The following ASS1 variants were observed in gnomAD, a reference collection of about 807,000 sequenced individuals.
The protein encoded by ASS1 is argininosuccinate synthase.
A neutral mutation model predicts 60.5 loss-of-function variants in ASS1; 58 were observed. That is an observed-to-expected ratio of 0.96 (90% confidence interval 0.78 to 1.19). ASS1 has a LOEUF of 1.19. Ranked by LOEUF, ASS1 falls within the 50% of genes most tolerant of loss-of-function variation. The pLI is 0.00. For synonymous variants in ASS1, 200 were observed against 206.9 expected, an observed-to-expected ratio of 0.97 and a Z score of 0.29; for missense variants, 454 against 547.3, an observed-to-expected ratio of 0.83 and a Z score of 1.70.
At chr9:130,462,578 C>G (rs368996233) in intron 4 of ASS1, among the ~76,000 whole-genome samples, 2 of 152,288 alleles carry the variant, frequency 1.3e-5, no homozygotes, top group Admixed American at 6.5e-5. Context: ...GCAGCCCAGC[C>G]GTGCCTGGCT....
chr9:130,495,174 C>T (rs536897691), intron 13 of ASS1, 151 bp downstream of exon 13: 4 of 1,155,646 alleles, frequency 3.5e-6, no homozygotes, highest in Admixed American at 2.0e-5. Flanking sequence ...ACTATGCTCC[C>T]GTGGAACTTA....
intron 8 of ASS1, among the ~76,000 whole-genome samples, chr9:130,473,144 A>C (rs929476155): frequency 6.6e-6 from 1 of 152,108 alleles, no homozygotes; most frequent in Non-Finnish European, 1.5e-5. Context: ...CCTCACCCAC[A>C]CTTGGGTCCC....
At position 130,489,533 on chromosome 9, in the gene ASS1, C is replaced by T. The variant is rs78879495; in HGVS notation, c.970+69C>T. Reference sequence around the variant, plus strand: ...GGATCCCAAAGTACTATCAGGCTCTCGGGCCTGGCCCTCCCCTCCGTATCA... The same window carrying T: ...GGATCCCAAAGTACTATCAGGCTCTTGGGCCTGGCCCTCCCCTCCGTATCA... On this transcript the variant is annotated intron_variant, in intron 12 of 14. Transcript: ENST00000352480. This position sits in a 1 kb window ranked among gnomAD's most constrained non-coding sequence, Gnocchi z 4.1. 6.9e-3 allele frequency: 11,010 copies of T among 1,607,144 alleles called. 199 individuals are homozygous for T. The highest frequency in any genetic ancestry group is 0.034 in the East Asian group (1,524 of 44,838).
rs1846458236 is a variant in ASS1, at chr9:130,491,845, T to C, written c.970+2381T>C. ...GTTATCACTAATATTAACTTTGCCC[T>C]GGTCCGCTGACATGCAGGGCCCCAC... On this transcript the variant is annotated intron_variant, in intron 12 of 14. Coordinates refer to ENST00000352480, the MANE Select transcript of ASS1 (RefSeq NM_054012.4). The surrounding 1 kb of genome is among the most constrained non-coding windows in gnomAD (Gnocchi z 5.3). Among the ~76,000 whole-genome samples, 1 of 152,192 alleles carries C rather than the reference T, an allele frequency of 6.6e-6. No homozygotes were observed. The highest frequency in any genetic ancestry group is 1.5e-5 in the Non-Finnish European group (1 of 68,038).
At position 130,476,832 on chromosome 9, in the gene ASS1, TG is replaced by T; in HGVS notation, c.598-37del. ...GGTGGGCTGTAGGGTGTCCAGGGAC[TG>T]GTATGTCATCTGCCCACCACTTTCT... is the stretch of plus-strand genomic sequence containing the variant. On this transcript the variant is annotated intron_variant, in intron 8 of 14. Coordinates refer to ENST00000352480, the MANE Select transcript of ASS1 (RefSeq NM_054012.4). This position sits in a 1 kb window ranked among gnomAD's most constrained non-coding sequence, Gnocchi z 4.9. 6.4e-7 allele frequency: 1 copy of T among 1,565,102 alleles called. No homozygotes were observed. Among genetic ancestry groups the T allele is most frequent in the Non-Finnish European group, 8.8e-7 (1 of 1,136,132 alleles).
rs74923032 is a variant in ASS1 at position 130,479,793 on chromosome 9, G to A, written c.766G>A (p.Glu256Lys). The A allele has an allele frequency of 1.7e-3, 2,761 of 1,613,998 alleles. 41 individuals are homozygous for A. The African/African-American group carries it at 0.03, about 18-fold the overall frequency. ...CTTGGAGCTCTTCATGTACCTGAAC[G>A]AAGTCGCGTGAGTGTCTGCAGCCCT... The part of the protein sequence containing the change: ...TSLELFMYLN[E>K]VAGKHGVGRI... The change falls in exon 10 of 15, where the codon GAA (glutamate) becomes AAA (lysine). Residue 256 changes from glutamate (E) to lysine (K), a missense_variant. By Grantham distance (56) the Glu-to-Lys change is moderately conservative. Coordinates refer to ENST00000352480, the MANE Select transcript of ASS1 (RefSeq NM_054012.4).
Position 130,476,653 on chromosome 9 carries a change from G to A in ASS1, c.598-218G>A, listed in dbSNP as rs1419907424. ...AAGAAAAAGATGAGATCAAGTTGAG[G>A]GGAAAAATTGTCTGATTTCTCCAGC... is the stretch of plus-strand genomic sequence containing the variant. On this transcript the variant is annotated intron_variant, in intron 8 of 14. Transcript: ENST00000352480. The surrounding 1 kb of genome is among the most constrained non-coding windows in gnomAD (Gnocchi z 4.9). 4.9e-6 allele frequency: 3 copies of A among 607,236 alleles called. No individual in the cohort carries two copies. In the African/African-American group the frequency reaches 5.5e-5, roughly 11 times the overall value. The allele number at this position is 607,236 out of a possible 1,614,324, so 37.6% of individuals were successfully genotyped here.
At chr9:130,471,132 AG>A (rs1845857468) in intron 7 of ASS1, among the ~76,000 whole-genome samples, 1 of 152,174 alleles carries the variant, frequency 6.6e-6, no homozygotes, top group Non-Finnish European at 1.5e-5. Flanking sequence ...CGGCCTCATC[AG>A]GAGTATCAAG....
intron 7 of ASS1, among the ~76,000 whole-genome samples, chr9:130,471,207 A>C (rs898892097): frequency 5.3e-5 from 8 of 152,214 alleles, no homozygotes; most frequent in Non-Finnish European, 2.9e-5. Flanking sequence ...GCACAGGGGA[A>C]GAGTGTTTAA....
At chr9:130,456,076 C>G (rs745619057) in intron 3 of ASS1, among the ~76,000 whole-genome samples, 1 of 152,224 alleles carries the variant, frequency 6.6e-6, no homozygotes, top group Non-Finnish European at 1.5e-5. Flanking sequence ...AGCTTTTGTC[C>G]TTTATTCTAG....
Position 130,470,505 on chromosome 9 carries a change from T to G in ASS1, c.496-329T>G, listed in dbSNP as rs1588486679. Among the ~76,000 whole-genome samples, 1 of 152,304 alleles carries G rather than the reference T, an allele frequency of 6.6e-6. No individual in the cohort carries two copies. Reference sequence around the variant, plus strand: ...CCAGCTCGTAGGGTGGTGGCGGGGCTGGTTGGCTGGTGCCGGGAGACCTGG... The same window carrying G: ...CCAGCTCGTAGGGTGGTGGCGGGGCGGGTTGGCTGGTGCCGGGAGACCTGG... On this transcript the variant is annotated intron_variant, in intron 6 of 14. Coordinates refer to ENST00000352480, the MANE Select transcript of ASS1 (RefSeq NM_054012.4). This position sits in a 1 kb window ranked among gnomAD's most constrained non-coding sequence, Gnocchi z 4.3.
chr9:130,479,353 C>T (rs1164441779), intron 9 of ASS1, among the ~76,000 whole-genome samples: 1 of 152,088 alleles, frequency 6.6e-6, no homozygotes, highest in Non-Finnish European at 1.5e-5. Context: ...GCCAGGCGGC[C>T]CCCGGGTGAC....
intron 4 of ASS1, among the ~76,000 whole-genome samples, chr9:130,463,318 C>T (rs897128000): frequency 2.0e-5 from 3 of 152,236 alleles, no homozygotes; most frequent in Admixed American, 6.5e-5. Flanking sequence ...CCTGCGCTGA[C>T]CCCGGCCTCC....
intron 4 of ASS1, among the ~76,000 whole-genome samples, chr9:130,461,981 A>G (rs1223456169): frequency 6.6e-6 from 1 of 152,144 alleles, no homozygotes; most frequent in African/African-American, 2.4e-5. Flanking sequence ...GCCTGAGCCC[A>G]GCCCTGAAGG....
intron 2 of ASS1, among the ~76,000 whole-genome samples, chr9:130,452,933 T>G (rs1159317339): frequency 9.9e-5 from 15 of 152,116 alleles, no homozygotes; most frequent in Admixed American, 9.8e-4. Flanking sequence ...GACTCTTAGG[T>G]GCAAATTTTA....
intron 13 of ASS1, 114 bp downstream of exon 13, chr9:130,495,137 G>A (rs916355211): frequency 7.1e-7 from 1 of 1,400,478 alleles, no homozygotes; most frequent in Admixed American, 2.0e-5. Flanking sequence ...AGAGCACAGA[G>A]TGATGGTCAC....
In ASS1 at chr9:130,494,900, G is replaced by A. The variant is rs555388438; in HGVS notation, c.1004G>A (p.Arg335His). The A allele has an allele frequency of 2.1e-5, 34 of 1,613,408 alleles. No individual in the cohort carries two copies. The highest frequency in any genetic ancestry group is 8.3e-5 in the Admixed American group (5 of 60,008). ...FWHSPECEFV[R>H]HCIAKSQERV... ...CACAGCCCTGAGTGTGAATTTGTCC[G>A]CCACTGCATCGCCAAGTCCCAGGAG... The change falls in exon 13 of 15, where the codon CGC becomes CAC. Residue 335 changes from arginine to histidine, a missense_variant. Coordinates refer to ENST00000352480, the MANE Select transcript of ASS1 (RefSeq NM_054012.4). This position sits in a 1 kb window ranked among gnomAD's most constrained non-coding sequence, Gnocchi z 4.3.
intron 3 of ASS1, among the ~76,000 whole-genome samples, chr9:130,457,112 T>G (rs1044536149): frequency 6.6e-5 from 10 of 152,238 alleles, no homozygotes; most frequent in African/African-American, 2.2e-4. Context: ...TTGGCTTCCA[T>G]TTTTGCAAAT....
chr9:130,474,542 G>A (rs1038589899), intron 8 of ASS1, among the ~76,000 whole-genome samples: 1 of 152,224 alleles, frequency 6.6e-6, no homozygotes, highest in Non-Finnish European at 1.5e-5. Context: ...AGGCTTGGGG[G>A]AGTCCCAGGC....
Sources: gnomAD v4.1 joint callset for allele counts (sites outside exome capture counted in the v4.1 genomes callset) on GRCh38, gnomAD v4.1.1 for gene constraint, Gnocchi (gnomAD v3.1) non-coding constraint, MANE v1.5 for transcripts, NCBI Gene and HGNC (gene_info 2026-07-23, HGNC 2026-07-21) for gene names.